The following CERS3 variants were observed in gnomAD, a reference collection of about 807,000 sequenced individuals.
CERS3 encodes the protein ceramide synthase 3.
CERS3 carries 33 observed loss-of-function variants against 50.3 expected under a neutral mutation model. The ratio of observed to expected loss-of-function variants is 0.66; its 90% CI spans 0.50 to 0.88. The LOEUF is 0.88. Among genes scored for constraint, CERS3 ranks in the 40% least tolerant of loss-of-function variants. The pLI is 0.00. For missense variants in CERS3, 470 were observed against 460.3 expected, an observed-to-expected ratio of 1.02 and a Z score of -0.19; for synonymous variants, 176 against 155.2, an observed-to-expected ratio of 1.13 and a Z score of -0.99.
intron 4 of CERS3, among the ~76,000 whole-genome samples, chr15:100,485,761 G>A (rs1015802224): frequency 2.0e-5 from 3 of 152,130 alleles, no homozygotes; most frequent in African/African-American, 7.2e-5. Context: ...CTACTCAGGA[G>A]GCTGAGGCAG....
chr15:100,425,012 G>A (rs2032719123), intron 11 of CERS3, among the ~76,000 whole-genome samples: 1 of 129,626 alleles, frequency 7.7e-6, no homozygotes, highest in African/African-American at 2.6e-5. Context: ...AACCTTGGCG[G>A]CTTCCATATA....
At chr15:100,404,780 G>A (rs182766893) in intron 11 of CERS3, among the ~76,000 whole-genome samples, 3 of 152,328 alleles carry the variant, frequency 2.0e-5, no homozygotes, top group Admixed American at 1.3e-4. Flanking sequence ...TAAACATGCA[G>A]ATCAGTGGAA....
intron 2 of CERS3, among the ~76,000 whole-genome samples, chr15:100,510,494 T>C (rs2036307316): frequency 6.6e-6 from 1 of 152,236 alleles, no homozygotes; most frequent in African/African-American, 2.4e-5. Context: ...AAAGATGTCA[T>C]TAAGTGATAT....
chr15:100,467,693 A>G (rs2034792030), intron 10 of CERS3, among the ~76,000 whole-genome samples: 2 of 151,360 alleles, frequency 1.3e-5, no homozygotes, highest in South Asian at 4.2e-4. Flanking sequence ...CTGAAAAGCT[A>G]TGCCCAACTG....
chr15:100,461,160 G>A (rs535897276), intron 10 of CERS3, among the ~76,000 whole-genome samples: 1 of 152,282 alleles, frequency 6.6e-6, no homozygotes, highest in East Asian at 1.9e-4. Context: ...GAATATCAGA[G>A]CTGGGTTCAA....
intron 11 of CERS3, among the ~76,000 whole-genome samples, chr15:100,413,756 A>G (rs2031672759): frequency 7.5e-6 from 1 of 133,830 alleles, no homozygotes; most frequent in Non-Finnish European, 1.6e-5. Flanking sequence ...CTAACCACCA[A>G]CCCCACAGAA....
chr15:100,541,292 C>T (rs527551603), intron 1 of CERS3, among the ~76,000 whole-genome samples: 104 of 152,220 alleles, frequency 6.8e-4, no homozygotes, highest in African/African-American at 2.4e-3. Context: ...ACCAACATGG[C>T]GAAACCCTGT....
chr15:100,473,388 A>G (rs115316363), intron 8 of CERS3, among the ~76,000 whole-genome samples: 1,611 of 152,248 alleles, frequency 0.011, 27 homozygotes, highest in African/African-American at 0.037. Flanking sequence ...CCCAAAAAGA[A>G]AAAAAAGATT....
chr15:100,472,010 A>G (rs2034984389), intron 9 of CERS3, among the ~76,000 whole-genome samples: 1 of 152,236 alleles, frequency 6.6e-6, no homozygotes, highest in South Asian at 2.1e-4. Flanking sequence ...CGCAGCCCAC[A>G]AAACTAAATT....
Position 100,522,036 on chromosome 15 carries a change from G to A in CERS3, c.-91-280C>T, listed in dbSNP as rs181597808. Among the ~76,000 whole-genome samples the A allele has an allele frequency of 2.2e-4, 34 of 151,494 alleles. No homozygotes were observed. The East Asian group carries it at 5.6e-3, about 25-fold the overall frequency. ...GCAAGAATCACTGGAGCCCTTAAAT[G>A]GAACACACGCTTACCAACCTGGCCA... On this transcript the variant is annotated intron_variant, in intron 1 of 11. Transcript: ENST00000679737.
chr15:100,533,389 C>G (rs2036988699), upstream of CERS3, among the ~76,000 whole-genome samples: 1 of 152,200 alleles, frequency 6.6e-6, no homozygotes, highest in South Asian at 2.1e-4. Flanking sequence ...TTGATGCTGA[C>G]AGAGTACATT....
rs142966252 is a variant in CERS3, at chr15:100,462,756, A to G, written c.845+6622T>C. On this transcript the variant is annotated intron_variant, in intron 10 of 11. Transcript: ENST00000679737. Reference sequence around the variant, plus strand: ...TTCAACAATGTCAGCGACATGAAAGACAAAGAAGAGGTAAGCAACTGTTCC... The same window carrying G: ...TTCAACAATGTCAGCGACATGAAAGGCAAAGAAGAGGTAAGCAACTGTTCC... Among the ~76,000 whole-genome samples the G allele has an allele frequency of 5.6e-3, 852 of 152,348 alleles. 12 individuals carry two copies. Among genetic ancestry groups the G allele is most frequent in the African/African-American group, 0.019 (799 of 41,582 alleles).
At chr15:100,523,161 T>TTCTG (rs1166041663) in intron 1 of CERS3, among the ~76,000 whole-genome samples, 1 of 152,222 alleles carries the variant, frequency 6.6e-6, no homozygotes, top group Non-Finnish European at 1.5e-5. Flanking sequence ...TTGCCCATTT[T>TTCTG]TCTGTTGTGG....
chr15:100,451,638 C>T (rs1424132222), intron 11 of CERS3, among the ~76,000 whole-genome samples: 3 of 151,982 alleles, frequency 2.0e-5, no homozygotes, highest in South Asian at 2.1e-4. Flanking sequence ...ACCTGGGAGG[C>T]GGAGCTTGCA....
intron 11 of CERS3, among the ~76,000 whole-genome samples, chr15:100,446,860 T>C (rs1458241612): frequency 2.0e-5 from 3 of 152,150 alleles, no homozygotes; most frequent in Non-Finnish European, 4.4e-5. Context: ...TACACCCTCC[T>C]TCCTTTGGAA....
intron 2 of CERS3, among the ~76,000 whole-genome samples, chr15:100,512,186 T>C (rs1195821719): frequency 6.6e-6 from 1 of 152,230 alleles, no homozygotes; most frequent in Admixed American, 6.5e-5. Context: ...GTTGTCAAGT[T>C]AATGCCTCTC....
At chr15:100,465,225 T>C (rs897101911) in intron 10 of CERS3, among the ~76,000 whole-genome samples, 1 of 151,634 alleles carries the variant, frequency 6.6e-6, no homozygotes, top group African/African-American at 2.4e-5. Flanking sequence ...GTCTGAATGG[T>C]GAAATAGGTT....
chr15:100,542,071 C>T (rs2037215427), intron 1 of CERS3, among the ~76,000 whole-genome samples: 1 of 152,034 alleles, frequency 6.6e-6, no homozygotes, highest in Admixed American at 6.6e-5. Context: ...ATGAATCAAT[C>T]AAAATAGAAA....
upstream of CERS3, among the ~76,000 whole-genome samples, chr15:100,532,652 G>A (rs117390937): frequency 0.025 from 3,874 of 152,120 alleles, 74 homozygotes; most frequent in East Asian, 0.078. Flanking sequence ...CCAGCTACTT[G>A]GAAGGCTGAG....
Sources: gnomAD v4.1 joint callset for allele counts (sites outside exome capture counted in the v4.1 genomes callset) on GRCh38, gnomAD v4.1.1 for gene constraint, MANE v1.5 for transcripts, NCBI Gene and HGNC (gene_info 2026-07-23, HGNC 2026-07-21) for gene names.